The following SMC5 variants were observed in gnomAD, a reference collection of about 807,000 sequenced individuals.
SMC5 encodes structural maintenance of chromosomes protein 5.
A neutral mutation model predicts 148.3 loss-of-function variants in SMC5; 88 were observed. The ratio of observed to expected loss-of-function variants is 0.59; its 90% CI spans 0.50 to 0.71. SMC5 has a LOEUF of 0.71. Among genes scored for constraint, SMC5 ranks in the 30% least tolerant of loss-of-function variants. SMC5 has a pLI of 0.00. For synonymous variants in SMC5, 421 were observed against 432.8 expected (o/e 0.97, Z 0.34); for missense variants, 1,142 against 1,298.9 (o/e 0.88, Z 1.86).
Position 70,267,837 on chromosome 9 carries a change from T to A in SMC5, c.328-86T>A, listed in dbSNP as rs564772399. 481 of 1,249,506 alleles carry A rather than the reference T, an allele frequency of 3.8e-4. 1 individual carries two copies. The highest frequency in any genetic ancestry group is 5.3e-4 in the Non-Finnish European group (464 of 882,848). 77.4% of individuals were successfully genotyped at this position (1,249,506 alleles called of 1,614,324 possible). On this transcript the variant is annotated intron_variant, in intron 2 of 24. Coordinates refer to ENST00000361138, the MANE Select transcript of SMC5 (RefSeq NM_015110.4). ...AGTGGTACCTGAAAAAAATCTTGAT[T>A]TGACAAATAATAATGACTGCTAAAT...
chr9:70,301,793 A>G (rs1180867608), intron 10 of SMC5, among the ~76,000 whole-genome samples: 1 of 152,210 alleles, frequency 6.6e-6, no homozygotes, highest in Non-Finnish European at 1.5e-5. Context: ...TTACTAATAT[A>G]AAAATAAATT....
At chr9:70,335,926 T>C (rs969785211) in intron 17 of SMC5, among the ~76,000 whole-genome samples, 2 of 152,218 alleles carry the variant, frequency 1.3e-5, no homozygotes, top group Non-Finnish European at 2.9e-5. Context: ...TATACAAGAA[T>C]ATGAAGAGTA....
chr9:70,351,353 CAA>C (rs771025321), intron 24 of SMC5, among the ~76,000 whole-genome samples: 21 of 120,488 alleles, frequency 1.7e-4, no homozygotes, highest in Admixed American at 1.7e-4. Context: ...GACCTTGTTC[CAA>C]AAAAAAAAAA....
At chr9:70,345,915 A>G (rs2036655406) in intron 18 of SMC5, among the ~76,000 whole-genome samples, 4 of 152,150 alleles carry the variant, frequency 2.6e-5, no homozygotes, top group Admixed American at 2.6e-4. Context: ...GATAGCACTG[A>G]AGAGAGAGAG....
Position 70,338,605 on chromosome 9 carries a change from A to G in SMC5, c.2398-5539A>G, listed in dbSNP as rs557389199. Among the ~76,000 whole-genome samples the G allele has an allele frequency of 9.2e-5, 14 of 152,332 alleles. No homozygotes were observed. The East Asian group carries it at 2.3e-3, about 25-fold the overall frequency. ...TATTATACATCATCCAAAGCTTTAC[A>G]GTAGTCTTCTAATGTCTACTTCCAA... is the stretch of plus-strand genomic sequence containing the variant. On this transcript the variant is annotated intron_variant, in intron 17 of 24. Coordinates refer to ENST00000361138, the MANE Select transcript of SMC5 (RefSeq NM_015110.4).
intron 21 of SMC5, 29 bp from the exon 22 acceptor site, chr9:70,347,890 T>C: frequency 6.4e-7 from 1 of 1,554,788 alleles, no homozygotes; most frequent in Non-Finnish European, 8.7e-7. Context: ...TGCTTTTAAA[T>C]TGTGTTTTTA....
intron 10 of SMC5, among the ~76,000 whole-genome samples, chr9:70,302,035 AC>A (rs936562861): frequency 6.6e-6 from 1 of 152,188 alleles, no homozygotes; most frequent in African/African-American, 2.4e-5. Context: ...AACAGAGGGA[AC>A]ATCCCAAGAA....
chr9:70,341,141 A>G (rs1357743350), intron 17 of SMC5, among the ~76,000 whole-genome samples: 1 of 152,210 alleles, frequency 6.6e-6, no homozygotes, highest in Non-Finnish European at 1.5e-5. Context: ...CTCAGCAAGA[A>G]TTGTGGTTTT....
chr9:70,267,382 T>C lies in SMC5; in HGVS notation c.328-541T>C, dbSNP rs1007093875. Among the ~76,000 whole-genome samples the C allele has an allele frequency of 2.0e-5, 3 of 152,210 alleles. 1 individual carries two copies. The highest frequency in any genetic ancestry group is 4.1e-4 in the South Asian group (2 of 4,826). On this transcript the variant is annotated intron_variant, in intron 2 of 24. Coordinates refer to ENST00000361138, the MANE Select transcript of SMC5 (RefSeq NM_015110.4). ...GCACAGATATGTCTGCTTTATCATG[T>C]AAATTTCAATTATATTGCTCCTTTT...
At chr9:70,345,375 C>G (rs1026119639) in intron 18 of SMC5, among the ~76,000 whole-genome samples, 8 of 151,704 alleles carry the variant, frequency 5.3e-5, no homozygotes, top group Non-Finnish European at 1.0e-4. Context: ...AAACACAAAT[C>G]AAAAATCAGA....
intron 15 of SMC5, among the ~76,000 whole-genome samples, chr9:70,319,659 G>A (rs1228835919): frequency 6.6e-6 from 1 of 152,126 alleles, no homozygotes; most frequent in Non-Finnish European, 1.5e-5. Flanking sequence ...TTTAATTGCA[G>A]TGTGGAATCT....
chr9:70,334,746 C>T (rs547312556), intron 17 of SMC5, among the ~76,000 whole-genome samples: 191 of 152,126 alleles, frequency 1.3e-3, no homozygotes, highest in African/African-American at 4.4e-3. Flanking sequence ...ATAATTTCAA[C>T]TATCAATACA....
chr9:70,314,923 AT>A (rs2035756071), intron 12 of SMC5, 87 bp downstream of exon 12: 2 of 875,312 alleles, frequency 2.3e-6, no homozygotes, highest in South Asian at 4.7e-5. Context: ...AAGCTGTATT[AT>A]TTCCTTTTAA....
chr9:70,267,158 G>A (rs1288045151), intron 2 of SMC5, among the ~76,000 whole-genome samples: 1 of 151,752 alleles, frequency 6.6e-6, no homozygotes, highest in Non-Finnish European at 1.5e-5. Context: ...TAGCACAACA[G>A]TATATAGTAA....
rs543041995 is a variant in SMC5 at position 70,321,175 on chromosome 9, T to G, written c.2150+2212T>G. On this transcript the variant is annotated intron_variant, in intron 15 of 24. Coordinates refer to ENST00000361138, the MANE Select transcript of SMC5 (RefSeq NM_015110.4). The stretch of plus-strand genomic sequence containing the variant: ...AGAGGAGAGGGGAAGGCAGAAAAAT[T>G]GTCAAACTAGGCTGTTTTTTCTCTA... Among the ~76,000 whole-genome samples the G allele has an allele frequency of 6.2e-4, 94 of 152,192 alleles. 2 individuals carry two copies. Among genetic ancestry groups the G allele is most frequent in the Admixed American group, 2.5e-3 (38 of 15,286 alleles).
At chr9:70,272,705 A>G (rs1428325647) in intron 3 of SMC5, among the ~76,000 whole-genome samples, 1 of 152,230 alleles carries the variant, frequency 6.6e-6, no homozygotes, top group Non-Finnish European at 1.5e-5. Context: ...AAGCAGGGAT[A>G]GATAAAGAAG....
At chr9:70,291,505 G>C (rs974038777) in intron 8 of SMC5, among the ~76,000 whole-genome samples, 1 of 152,112 alleles carries the variant, frequency 6.6e-6, no homozygotes, top group Non-Finnish European at 1.5e-5. Context: ...ACACAGTCCT[G>C]CTAATGCACA....
chr9:70,275,938 G>C lies in SMC5; in HGVS notation c.381-1372G>C, dbSNP rs140385412. ...TCATCCAAATATCTTTAATATTTTT[G>C]ATTTATCATTCTGCATTATGTTATT... On this transcript the variant is annotated intron_variant, in intron 3 of 24. Coordinates refer to ENST00000361138, the MANE Select transcript of SMC5 (RefSeq NM_015110.4). Among the ~76,000 whole-genome samples the C allele has an allele frequency of 3.9e-3, 598 of 152,068 alleles. 3 individuals are homozygous for C. Among genetic ancestry groups the C allele is most frequent in the African/African-American group, 0.013 (553 of 41,494 alleles).
rs760122316 is a variant in SMC5 at position 70,277,325 on chromosome 9, A to G, written c.396A>G (p.Gly132=). The part of the protein sequence containing the change: ...MVEIELFRAS[G]NLVITREIDV... ...TTTTAATTAGGTTCAGGGCTTCTGG[A>G]AATCTTGTAATCACCCGTGAGATTG... Residue 132 remains glycine (G), a synonymous_variant, in exon 4 of 25, where the codon GGA becomes GGG. Coordinates refer to ENST00000361138, the MANE Select transcript of SMC5 (RefSeq NM_015110.4). 39 of 1,564,554 alleles carry G rather than the reference A, an allele frequency of 2.5e-5. No homozygotes were observed. The highest frequency in any genetic ancestry group is 3.4e-5 in the Non-Finnish European group (39 of 1,158,866).
Sources: allele counts gnomAD v4.1 joint callset (sites outside exome capture counted in the v4.1 genomes callset), GRCh38; gene constraint gnomAD v4.1.1; transcripts MANE v1.5; gene names NCBI Gene and HGNC (gene_info 2026-07-23, HGNC 2026-07-21).